Variants in PREP observed in about 807,000 individuals in gnomAD.
PREP encodes prolyl endopeptidase.
Under a neutral mutation model 87.6 loss-of-function variants are expected in PREP, and 29 were observed. The observed-to-expected ratio is 0.33, with a 90% CI of 0.25 to 0.45. PREP has a LOEUF of 0.45. Ranked by LOEUF, PREP falls within the 20% of genes least tolerant of loss-of-function variation. The pLI is 1.00. For missense variants in PREP, 695 were observed against 886.5 expected (o/e 0.78, Z 2.74); for synonymous variants, 337 against 328.6 (o/e 1.03, Z -0.28).
chr6:105,397,626 A>G (rs180895336), intron 2 of PREP, among the ~76,000 whole-genome samples: 3 of 152,336 alleles, frequency 2.0e-5, no homozygotes, highest in South Asian at 2.1e-4. Flanking sequence ...ACTATGAACC[A>G]TAAACATTAT....
At chr6:105,358,937 G>A (rs1360515768) in intron 6 of PREP, among the ~76,000 whole-genome samples, 1 of 152,178 alleles carries the variant, frequency 6.6e-6, no homozygotes, top group African/African-American at 2.4e-5. Context: ...TTTCATAAAA[G>A]TGTATTCCTG....
intron 1 of PREP, among the ~76,000 whole-genome samples, chr6:105,401,222 C>T (rs565785755): frequency 7.2e-5 from 11 of 152,328 alleles, no homozygotes; most frequent in African/African-American, 2.6e-4. Context: ...GATTTAGGCA[C>T]CCACAGTGGT....
At chr6:105,380,610 A>C (rs1300401319) in intron 2 of PREP, among the ~76,000 whole-genome samples, 2 of 152,120 alleles carry the variant, frequency 1.3e-5, no homozygotes, top group African/African-American at 4.8e-5. Flanking sequence ...TTATAATGGG[A>C]GTGGAAACAG....
chr6:105,273,966 C>T lies in PREP; in HGVS notation c.*4178G>A, dbSNP rs988331502. ...CTTCCTGAAAGAGGCACCCTGACCT[C>T]GACTCAAATAGCATTCCTTCTCACG... is the stretch of plus-strand genomic sequence containing the variant. On this transcript the variant is annotated 3_prime_UTR_variant, in exon 15 of 15. Transcript: ENST00000652536. 4.6e-5 allele frequency among the ~76,000 whole-genome samples: 7 copies of T among 152,208 alleles called. No homozygotes were observed. The highest frequency in any genetic ancestry group is 1.4e-4 in the African/African-American group (6 of 41,450).
At chr6:105,297,487 CAG>C (rs1297748529) in intron 10 of PREP, among the ~76,000 whole-genome samples, 1 of 152,200 alleles carries the variant, frequency 6.6e-6, no homozygotes, top group Non-Finnish European at 1.5e-5. Flanking sequence ...CCACAGTACT[CAG>C]GTTCAAGTTA....
intron 2 of PREP, among the ~76,000 whole-genome samples, chr6:105,391,393 TAAATA>T (rs1773142665): frequency 1.3e-5 from 2 of 151,852 alleles, no homozygotes; most frequent in African/African-American, 2.4e-5. Flanking sequence ...AATAAACAAA[TAAATA>T]AAATAAAGAG....
At chr6:105,338,300 C>T (rs1019893566) in intron 7 of PREP, among the ~76,000 whole-genome samples, 4 of 152,344 alleles carry the variant, frequency 2.6e-5, no homozygotes, top group Non-Finnish European at 5.9e-5. Flanking sequence ...CCCCTCCCTA[C>T]CCAAAGTCAC....
At chr6:105,316,404 C>T (rs902861114) in intron 10 of PREP, among the ~76,000 whole-genome samples, 1 of 152,030 alleles carries the variant, frequency 6.6e-6, no homozygotes, top group Admixed American at 6.6e-5. Flanking sequence ...TTTGTGATGC[C>T]CCAGAACAAT....
chr6:105,281,992 C>CA, intron 13 of PREP, 90 bp from the exon 14 acceptor site: 1 of 1,456,132 alleles, frequency 6.9e-7, no homozygotes. Context: ...TACATGCTTC[C>CA]AGAGCCCTGG....
At chr6:105,395,166 A>AAC (rs1773256668) in intron 2 of PREP, among the ~76,000 whole-genome samples, 1 of 152,180 alleles carries the variant, frequency 6.6e-6, no homozygotes, top group Non-Finnish European at 1.5e-5. Flanking sequence ...CAATTTAAAA[A>AAC]ATATATATAT....
intron 11 of PREP, among the ~76,000 whole-genome samples, chr6:105,286,744 T>G (rs535763799): frequency 1.8e-4 from 28 of 151,734 alleles, no homozygotes; most frequent in African/African-American, 6.5e-4. Flanking sequence ...CAACCACACC[T>G]TATTAGCCAG....
At chr6:105,366,850 C>T (rs762106819) in intron 6 of PREP, among the ~76,000 whole-genome samples, 14 of 152,008 alleles carry the variant, frequency 9.2e-5, no homozygotes, top group Non-Finnish European at 1.8e-4. Flanking sequence ...TACTGTAAGA[C>T]GACATGTGTA....
At chr6:105,352,872 G>A in intron 7 of PREP, 100 bp downstream of exon 7, 2 of 1,020,046 alleles carry the variant, frequency 2.0e-6, no homozygotes, top group Non-Finnish European at 3.0e-6. Flanking sequence ...TGATGTGGTA[G>A]AATGGAAGAG....
chr6:105,377,865 G>A (rs1772728305), intron 2 of PREP, among the ~76,000 whole-genome samples: 1 of 152,182 alleles, frequency 6.6e-6, no homozygotes, highest in Admixed American at 6.5e-5. Flanking sequence ...TGGTTAAAAA[G>A]TTGCCCGACA....
At chr6:105,350,829 T>C (rs1005973244) in intron 7 of PREP, among the ~76,000 whole-genome samples, 2 of 152,172 alleles carry the variant, frequency 1.3e-5, no homozygotes, top group Non-Finnish European at 2.9e-5. Flanking sequence ...AGCAAAGCAA[T>C]AATCAGAAAA....
rs558893321 is a variant in PREP, at chr6:105,340,738, T to C, written c.824-7233A>G. On this transcript the variant is annotated intron_variant, in intron 7 of 14. Coordinates refer to ENST00000652536, the MANE Select transcript of PREP (RefSeq NM_002726.5). Reference sequence around the variant, plus strand: ...GAAAACAAAAAAAGCAGGGTTGCAATCCTAGTCTCTGATAAAACAGACTTT... The same window carrying C: ...GAAAACAAAAAAAGCAGGGTTGCAACCCTAGTCTCTGATAAAACAGACTTT... Among the ~76,000 whole-genome samples the C allele has an allele frequency of 2.6e-5, 4 of 152,236 alleles. No homozygotes were observed. In the South Asian group the frequency reaches 8.3e-4, roughly 32 times the overall value.
intron 7 of PREP, among the ~76,000 whole-genome samples, chr6:105,344,984 G>T (rs1158000563): frequency 1.3e-5 from 2 of 152,202 alleles, no homozygotes; most frequent in Non-Finnish European, 1.5e-5. Flanking sequence ...AATGTGGCTG[G>T]ATTCACAAAA....
In PREP at chr6:105,323,163, C is replaced by T. The variant is rs530941386; in HGVS notation, c.1317+502G>A. The stretch of plus-strand genomic sequence containing the variant: ...AACCTGAAAAGATGGTGGCCAAAGA[C>T]GAAGCTTGTGGTGACATGACAATTA... On this transcript the variant is annotated intron_variant, in intron 10 of 14. Transcript: ENST00000652536. 8.1e-5 allele frequency: 101 copies of T among 1,248,214 alleles called. No individual in the cohort carries two copies. The African/African-American group carries it at 1.0e-3, about 12-fold the overall frequency. 77.3% of individuals were successfully genotyped at this position (1,248,214 alleles called of 1,614,324 possible).
chr6:105,293,331 G>A (rs1342041144), intron 10 of PREP, among the ~76,000 whole-genome samples: 2 of 152,112 alleles, frequency 1.3e-5, no homozygotes, highest in African/African-American at 4.8e-5. Context: ...GACAGGAAAT[G>A]GTCAGTGGAG....
Sources: allele counts gnomAD v4.1 joint callset (sites outside exome capture counted in the v4.1 genomes callset), GRCh38; gene constraint gnomAD v4.1.1; transcripts MANE v1.5; gene names NCBI Gene and HGNC (gene_info 2026-07-23, HGNC 2026-07-21).